LSM3: variants seen among roughly 807,000 people sequenced by gnomAD.
The protein encoded by LSM3 is LSM3 homolog, U6 small nuclear RNA and mRNA degradation associated, also known as U6 snRNA-associated Sm-like protein LSm3.
A neutral mutation model predicts 15.4 loss-of-function variants in LSM3; 14 were observed. That is an observed-to-expected ratio of 0.91 (90% CI 0.60 to 1.42). The LOEUF is 1.42. Among genes scored for constraint, LSM3 ranks in the 40% most tolerant of loss-of-function variants. The probability of loss-of-function intolerance (pLI) is 0.00; values close to 1 mark genes in which losing one functional copy is unlikely to be tolerated. For synonymous variants in LSM3, 46 were observed against 45.1 expected, an observed-to-expected ratio of 1.02 and a Z score of -0.08; for missense variants, 88 against 127.9, an observed-to-expected ratio of 0.69 and a Z score of 1.50.
chr3:14,188,419 A>G (rs886132462), intron 3 of LSM3, among the ~76,000 whole-genome samples: 2 of 152,198 alleles, frequency 1.3e-5, no homozygotes, highest in African/African-American at 4.8e-5. Flanking sequence ...ATTTTAATTT[A>G]ACTTTTTGAA....
Position 14,198,521 on chromosome 3 carries a change from G to T in LSM3, c.*405G>T. On this transcript the variant is annotated 3_prime_UTR_variant, in exon 4 of 4. Coordinates refer to ENST00000306024, the MANE Select transcript of LSM3 (RefSeq NM_014463.3). ...CACACATTTGCAGTGCACCTACTGT[G>T]TTTGAGGCACCAGGTTTGAGTGCTG... 5.9e-6 allele frequency: 1 copy of T among 168,280 alleles called. No individual in the cohort carries two copies. Among genetic ancestry groups the T allele is most frequent in the South Asian group, 1.6e-4 (1 of 6,448 alleles). 10.4% of individuals were successfully genotyped at this position (168,280 alleles called of 1,614,324 possible). A position where few individuals can be genotyped will look rare whatever the true frequency, so the allele number is the denominator to read the frequency against.
chr3:14,181,524 C>G (rs1416186586), intron 1 of LSM3, 36 bp from the exon 2 acceptor site: 1 of 1,332,576 alleles, frequency 7.5e-7, no homozygotes, highest in Non-Finnish European at 1.1e-6. Context: ...TACTCTGACT[C>G]TAGTACTACA....
At chr3:14,183,636 T>A (rs1439440365) in intron 2 of LSM3, among the ~76,000 whole-genome samples, 1 of 152,224 alleles carries the variant, frequency 6.6e-6, no homozygotes, top group African/African-American at 2.4e-5. Context: ...ATGATGTGAC[T>A]GCCTTAGATA....
At chr3:14,190,540 T>C (rs1697129835) in intron 3 of LSM3, among the ~76,000 whole-genome samples, 1 of 152,236 alleles carries the variant, frequency 6.6e-6, no homozygotes, top group South Asian at 2.1e-4. Context: ...CTAGGTATTT[T>C]ATTCTCTTAG....
intron 3 of LSM3, among the ~76,000 whole-genome samples, chr3:14,184,530 G>A (rs932524701): frequency 1.3e-5 from 2 of 151,818 alleles, no homozygotes; most frequent in African/African-American, 4.8e-5. Context: ...CGAGGCGGGC[G>A]GATCACGAGG....
intron 3 of LSM3, among the ~76,000 whole-genome samples, chr3:14,186,732 T>A (rs1697093186): frequency 6.6e-6 from 1 of 152,256 alleles, no homozygotes; most frequent in Non-Finnish European, 1.5e-5. Flanking sequence ...GTGGTTATTG[T>A]TTTCTTAACA....
intron 1 of LSM3, among the ~76,000 whole-genome samples, 165 bp from the exon 2 acceptor site, chr3:14,181,395 C>G (rs1301465227): frequency 6.6e-6 from 1 of 152,136 alleles, no homozygotes; most frequent in Non-Finnish European, 1.5e-5. Context: ...ATCACTTAAG[C>G]CTCACAAAAA....
intron 2 of LSM3, among the ~76,000 whole-genome samples, 192 bp from the exon 3 acceptor site, chr3:14,183,741 TTAAG>T (rs1297208132): frequency 2.0e-5 from 3 of 152,266 alleles, no homozygotes; most frequent in African/African-American, 7.2e-5. Flanking sequence ...ATCAGGTCAA[TTAAG>T]TAATCATTGG....
At chr3:14,194,120 T>A (rs1697166717) in intron 3 of LSM3, among the ~76,000 whole-genome samples, 1 of 152,244 alleles carries the variant, frequency 6.6e-6, no homozygotes, top group Admixed American at 6.5e-5. Flanking sequence ...CTGCCTGTTT[T>A]TTCCTCTGGA....
intron 3 of LSM3, among the ~76,000 whole-genome samples, chr3:14,194,171 G>C (rs1697167064): frequency 6.6e-6 from 1 of 152,200 alleles, no homozygotes; most frequent in Admixed American, 6.5e-5. Flanking sequence ...GCCAGCCAGA[G>C]CTCTTCTGTA....
intron 1 of LSM3, 51 bp downstream of exon 1, chr3:14,178,932 C>A: frequency 6.2e-7 from 1 of 1,604,248 alleles, no homozygotes; most frequent in South Asian, 1.1e-5. Flanking sequence ...TACTAGGCTG[C>A]TTTTTCCAGA....
Position 14,183,827 on chromosome 3 carries a change from G to A in LSM3, c.133-110G>A, listed in dbSNP as rs545290002. On this transcript the variant is annotated intron_variant, in intron 2 of 3. Transcript: ENST00000306024. ...TTATTTGCATGTAAAAGTTTGTGAT[G>A]TAAGTATCAAATGCCCTAGTTGTAA... 13 of 673,154 alleles carry A rather than the reference G, an allele frequency of 1.9e-5. No individual in the cohort carries two copies. The South Asian group carries it at 2.5e-4, about 13-fold the overall frequency. The allele number at this position is 673,154 out of a possible 1,614,324, so 41.7% of individuals were successfully genotyped here. A position where few individuals can be genotyped will look rare whatever the true frequency, so the allele number is the denominator to read the frequency against.
rs564941536 is a variant in LSM3, at chr3:14,190,588, A to G, written c.228+6556A>G. Among the ~76,000 whole-genome samples, 57 of 150,608 alleles carry G rather than the reference A, an allele frequency of 3.8e-4. 1 individual carries two copies. The South Asian group carries it at 9.6e-3, about 25-fold the overall frequency. Reference sequence around the variant, plus strand: ...ATGGGAGTTCACTCATAATTTGGCTATTTGTCTGTTATTTATGTATAGGAA... The same window carrying G: ...ATGGGAGTTCACTCATAATTTGGCTGTTTGTCTGTTATTTATGTATAGGAA... On this transcript the variant is annotated intron_variant, in intron 3 of 3. Transcript: ENST00000306024.
intron 3 of LSM3, among the ~76,000 whole-genome samples, chr3:14,193,529 T>C (rs1697160195): frequency 1.3e-5 from 2 of 152,238 alleles, no homozygotes; most frequent in African/African-American, 4.8e-5. Flanking sequence ...ATTAAGTTGA[T>C]CTTCAATCAC....
Position 14,186,614 on chromosome 3 carries a change from CTTAT to C in LSM3, c.228+2591_228+2594del, listed in dbSNP as rs141473840. On this transcript the variant is annotated intron_variant, in intron 3 of 3. Transcript: ENST00000306024. ...TTTTTTTCTTTTTTTAAAATTTTTA[CTTAT>C]TTATTTATGTATTTTTGCTGGCTTA... is the stretch of plus-strand genomic sequence containing the variant. Among the ~76,000 whole-genome samples the C allele has an allele frequency of 2.4e-3, 369 of 152,054 alleles. 1 individual carries two copies. Among genetic ancestry groups the C allele is most frequent in the African/African-American group, 8.4e-3 (347 of 41,490 alleles).
At chr3:14,196,019 C>A (rs531033105) in intron 3 of LSM3, among the ~76,000 whole-genome samples, 2 of 149,626 alleles carry the variant, frequency 1.3e-5, no homozygotes, top group Non-Finnish European at 3.0e-5. Context: ...GTGGCGCAAT[C>A]TTGGCTCACT....
intron 3 of LSM3, among the ~76,000 whole-genome samples, chr3:14,188,248 A>C (rs1471287643): frequency 1.3e-5 from 2 of 152,098 alleles, no homozygotes; most frequent in Admixed American, 1.3e-4. Flanking sequence ...ATTTTAATTT[A>C]ATGAGCCACC....
chr3:14,193,591 T>C (rs1164741600), intron 3 of LSM3, among the ~76,000 whole-genome samples: 1 of 152,250 alleles, frequency 6.6e-6, no homozygotes, highest in African/African-American at 2.4e-5. Context: ...TTGTTTATTC[T>C]TTGCGAAGTT....
chr3:14,186,639 G>A (rs567962253), intron 3 of LSM3, among the ~76,000 whole-genome samples: 12 of 151,432 alleles, frequency 7.9e-5, no homozygotes, highest in African/African-American at 2.9e-4. Flanking sequence ...ATTTTTGCTG[G>A]CTTATTTCTC....
Sources: allele counts gnomAD v4.1 joint callset (sites outside exome capture counted in the v4.1 genomes callset), GRCh38; gene constraint gnomAD v4.1.1; transcripts MANE v1.5; gene names NCBI Gene and HGNC (gene_info 2026-07-23, HGNC 2026-07-21).